The following PALS2 variants were observed in gnomAD, a reference collection of about 807,000 sequenced individuals.
PALS2 encodes protein PALS2.
A neutral mutation model predicts 61.6 loss-of-function variants in PALS2; 27 were observed. The observed-to-expected ratio is 0.44, with a 90% CI of 0.32 to 0.60. The LOEUF is 0.60. Among genes scored for constraint, PALS2 ranks in the 20% least tolerant of loss-of-function variants. The probability of loss-of-function intolerance (pLI) is 0.05; values close to 1 mark genes in which losing one functional copy is unlikely to be tolerated. For missense variants in PALS2, 554 were observed against 639.4 expected, an observed-to-expected ratio of 0.87 and a Z score of 1.44; for synonymous variants, 236 against 218.6, an observed-to-expected ratio of 1.08 and a Z score of -0.70.
chr7:24,621,670 G>A (rs1230077484), intron 1 of PALS2, among the ~76,000 whole-genome samples: 1 of 151,904 alleles, frequency 6.6e-6, no homozygotes, highest in African/African-American at 2.4e-5. Flanking sequence ...AGGATAAGTT[G>A]GGAGAAGGGT....
chr7:24,681,734 G>A (rs1246884885), intron 11 of PALS2, among the ~76,000 whole-genome samples: 7 of 152,050 alleles, frequency 4.6e-5, no homozygotes, highest in African/African-American at 1.7e-4. Flanking sequence ...CCAAAATAAT[G>A]AACATGTCCA....
chr7:24,657,145 T>A (rs983068356), intron 5 of PALS2, among the ~76,000 whole-genome samples: 1 of 152,222 alleles, frequency 6.6e-6, no homozygotes, highest in Non-Finnish European at 1.5e-5. Flanking sequence ...ACCTGGCTGA[T>A]GAACATTTTT....
At position 24,670,705 on chromosome 7, in the gene PALS2, C is replaced by G. The variant is rs192825595; in HGVS notation, c.1114+2045C>G. Among the ~76,000 whole-genome samples, 4 of 152,298 alleles carry G rather than the reference C, an allele frequency of 2.6e-5. No homozygotes were observed. In the South Asian group the frequency reaches 8.3e-4, roughly 32 times the overall value. On this transcript the variant is annotated intron_variant, in intron 9 of 11. Transcript: ENST00000222644. ...CTCTGTACCCATTTCCCACCAACTT[C>G]CTCACCCCCTGCTGCCAGGAGCAAT...
intron 1 of PALS2, among the ~76,000 whole-genome samples, chr7:24,595,820 A>G (rs1177143028): frequency 6.6e-6 from 1 of 151,530 alleles, no homozygotes; most frequent in Non-Finnish European, 1.5e-5. Flanking sequence ...TAATAGTTAC[A>G]CTGTGACAAA....
intron 5 of PALS2, among the ~76,000 whole-genome samples, chr7:24,654,721 G>A (rs1786328171): frequency 6.6e-6 from 1 of 152,168 alleles, no homozygotes; most frequent in Admixed American, 6.5e-5. Context: ...GTTTTCCATG[G>A]AATTTGATAA....
At chr7:24,653,827 AT>A (rs1183216750) in intron 5 of PALS2, among the ~76,000 whole-genome samples, 1 of 152,224 alleles carries the variant, frequency 6.6e-6, no homozygotes, top group African/African-American at 2.4e-5. Flanking sequence ...CACTTTGACC[AT>A]TACCAGACAT....
chr7:24,602,673 T>A (rs1482412483), intron 1 of PALS2, among the ~76,000 whole-genome samples: 1 of 152,172 alleles, frequency 6.6e-6, no homozygotes, highest in African/African-American at 2.4e-5. Context: ...GAGGTACCTC[T>A]TATCTTACTC....
chr7:24,619,974 T>G (rs1364938408), intron 1 of PALS2: 1 of 152,100 alleles, frequency 6.6e-6, no homozygotes, highest in Non-Finnish European at 1.5e-5. Flanking sequence ...TATATTAAGT[T>G]TTTACATATA....
At chr7:24,600,049 G>A (rs940954362) in intron 1 of PALS2, among the ~76,000 whole-genome samples, 36 of 151,942 alleles carry the variant, frequency 2.4e-4, no homozygotes, top group East Asian at 7.7e-4. Context: ...ATCTTCTTGC[G>A]GGGGTGTCAC....
chr7:24,577,973 C>G (rs1023384728), intron 1 of PALS2, among the ~76,000 whole-genome samples: 1 of 152,158 alleles, frequency 6.6e-6, no homozygotes, highest in African/African-American at 2.4e-5. Context: ...GAATCTCACT[C>G]GGTCACCCCA....
intron 8 of PALS2, among the ~76,000 whole-genome samples, chr7:24,666,655 C>T (rs371734303): frequency 6.6e-6 from 1 of 152,178 alleles, no homozygotes; most frequent in Admixed American, 6.5e-5. Flanking sequence ...TCGAGGTAAT[C>T]ATTCACATTG....
chr7:24,664,641 A>C (rs1786921021), intron 6 of PALS2, among the ~76,000 whole-genome samples: 1 of 152,154 alleles, frequency 6.6e-6, no homozygotes, highest in Non-Finnish European at 1.5e-5. Context: ...ATGTGTCCTT[A>C]AATTTAACTT....
At chr7:24,614,431 T>C (rs912431381) in intron 1 of PALS2, among the ~76,000 whole-genome samples, 1 of 152,000 alleles carries the variant, frequency 6.6e-6, no homozygotes, top group Admixed American at 6.6e-5. Context: ...TGTAAGATCA[T>C]GTCATATGTA....
intron 11 of PALS2, among the ~76,000 whole-genome samples, chr7:24,685,025 G>A (rs1275811844): frequency 6.6e-6 from 1 of 151,506 alleles, no homozygotes; most frequent in East Asian, 1.9e-4. Context: ...AATGTGTGCC[G>A]TGGTGGTTTG....
intron 1 of PALS2, among the ~76,000 whole-genome samples, chr7:24,600,343 G>A (rs73286247): frequency 0.024 from 3,586 of 152,100 alleles, 166 homozygotes; most frequent in African/African-American, 0.082. Flanking sequence ...ATGTTATGTG[G>A]TACATGACTG....
chr7:24,679,383 T>G, intron 10 of PALS2, 50 bp downstream of exon 10: 1 of 1,585,738 alleles, frequency 6.3e-7, no homozygotes, highest in Non-Finnish European at 8.6e-7. Flanking sequence ...TTCTGTGGAG[T>G]TTTTTTCATG....
rs1784612190 is a variant in PALS2 at position 24,623,592 on chromosome 7, A to G, written c.-2-74A>G. The G allele has an allele frequency of 5.9e-6, 5 of 840,956 alleles. No individual in the cohort carries two copies. The South Asian group carries it at 1.0e-4, about 17-fold the overall frequency. The allele number at this position is 840,956 out of a possible 1,614,324, so 52.1% of individuals were successfully genotyped here. ...TGCATTATTAAAATAATCTTACTCC[A>G]TAACGGCTTGAAATTTAAGGGTTTT... On this transcript the variant is annotated intron_variant, in intron 1 of 11. Coordinates refer to ENST00000222644, the MANE Select transcript of PALS2 (RefSeq NM_001303037.2).
chr7:24,665,551 G>C, intron 6 of PALS2, 37 bp from the exon 7 acceptor site: 1 of 1,576,632 alleles, frequency 6.3e-7, no homozygotes, highest in Non-Finnish European at 8.7e-7. Context: ...CTCAAATTTT[G>C]GTCACTGAGA....
intron 1 of PALS2, among the ~76,000 whole-genome samples, chr7:24,592,143 A>G (rs1267201471): frequency 6.6e-6 from 1 of 152,172 alleles, no homozygotes; most frequent in Non-Finnish European, 1.5e-5. Flanking sequence ...ACTAATGACC[A>G]CAAAAGCTCT....
Sources: gnomAD v4.1 joint callset for allele counts (sites outside exome capture counted in the v4.1 genomes callset) on GRCh38, gnomAD v4.1.1 for gene constraint, MANE v1.5 for transcripts, NCBI Gene and HGNC (gene_info 2026-07-23, HGNC 2026-07-21) for gene names.